TEX11: variants seen among roughly 807,000 people sequenced by gnomAD.
The protein encoded by TEX11 is testis-expressed protein 11.
A neutral mutation model predicts 84.4 loss-of-function variants in TEX11; 7 were observed. That is an observed-to-expected ratio of 0.08 (90% confidence interval 0.05 to 0.16). The LOEUF (loss-of-function observed/expected upper bound fraction) is 0.16. TEX11 is among the 10% of genes least tolerant of loss of function. The pLI is 1.00. For missense variants in TEX11, 551 were observed against 660.5 expected (o/e 0.83, Z 1.82); for synonymous variants, 264 against 222.8 (o/e 1.18, Z -1.64).
intron 13 of TEX11, among the ~76,000 whole-genome samples, chrX:70,704,252 G>A (rs1021416824): frequency 9.1e-6 from 1 of 110,476 alleles, no homozygotes; most frequent in South Asian, 3.9e-4. Flanking sequence ...CTGTGGAACC[G>A]TGAGCCAATT....
intron 7 of TEX11, among the ~76,000 whole-genome samples, chrX:70,840,506 T>G (rs943272725): frequency 4.5e-5 from 5 of 111,910 alleles, no homozygotes; most frequent in African/African-American, 9.7e-5. Flanking sequence ...GAACAACTGG[T>G]ACCAGCCACT....
At chrX:70,774,677 G>C (rs1602116152) in intron 9 of TEX11, among the ~76,000 whole-genome samples, 4 of 110,948 alleles carry the variant, frequency 3.6e-5, no homozygotes, top group African/African-American at 1.3e-4. Flanking sequence ...TCTACAAGTA[G>C]AACTAAAAAG....
At chrX:70,871,406 A>AAAG (rs1032925875) in intron 4 of TEX11, among the ~76,000 whole-genome samples, 2 of 111,917 alleles carry the variant, frequency 1.8e-5, no homozygotes, top group Non-Finnish European at 3.8e-5. Flanking sequence ...CAACAGGTCT[A>AAAG]AAACTAAAAC....
chrX:70,718,575 G>A (rs191175041), intron 13 of TEX11, among the ~76,000 whole-genome samples: 49 of 112,190 alleles, frequency 4.4e-4, no homozygotes, highest in African/African-American at 1.4e-3. Flanking sequence ...AACTGAGTCA[G>A]GGATTTTCCC....
At chrX:70,618,707 T>C (rs891635708) in intron 20 of TEX11, among the ~76,000 whole-genome samples, 3 of 111,679 alleles carry the variant, frequency 2.7e-5, no homozygotes, top group Non-Finnish European at 5.6e-5. Flanking sequence ...TAGATGCAAA[T>C]GCTCAGAGTG....
intron 12 of TEX11, among the ~76,000 whole-genome samples, chrX:70,723,658 C>T (rs956152636): frequency 5.4e-5 from 6 of 111,639 alleles, no homozygotes; most frequent in Non-Finnish European, 1.1e-4. Context: ...ACAAATATTC[C>T]TGCTGTCAAG....
At chrX:70,671,788 A>G (rs1473574727) in intron 15 of TEX11, among the ~76,000 whole-genome samples, 3 of 105,894 alleles carry the variant, frequency 2.8e-5, no homozygotes, top group African/African-American at 1.0e-4. Flanking sequence ...TTTCTCCTAC[A>G]AAACCTACCA....
intron 25 of TEX11, among the ~76,000 whole-genome samples, chrX:70,565,672 A>G (rs1255990770): frequency 1.8e-5 from 2 of 109,720 alleles, no homozygotes; most frequent in African/African-American, 6.6e-5. Flanking sequence ...TCCTTTCCCC[A>G]TTGCTTGTTT....
intron 11 of TEX11, among the ~76,000 whole-genome samples, chrX:70,730,833 A>C (rs1047535526): frequency 2.7e-5 from 3 of 111,871 alleles, no homozygotes; most frequent in Admixed American, 1.9e-4. Flanking sequence ...TCTCCAACCC[A>C]AATCAACAGA....
Position 70,897,216 on chromosome X carries a change from CAT to C in TEX11, c.37+10535_37+10536del, listed in dbSNP as rs1289891372. 1.2e-4 allele frequency among the ~76,000 whole-genome samples: 4 copies of C among 34,649 alleles called. No homozygotes were observed. In the East Asian group the frequency reaches 1.9e-3, roughly 16 times the overall value. The allele number at this position is 34,649 out of a possible 115,157, so 30.1% of individuals were successfully genotyped here. On this transcript the variant is annotated intron_variant, in intron 2 of 29. Transcript: ENST00000374333. ...TATGTTATATATTATATATATATAACATATATATATGTTTTATATATATATAC... is the reference window on the plus strand; with the variant it reads ...TATGTTATATATTATATATATATAACATATATATGTTTTATATATATATAC...
At chrX:70,758,926 A>G (rs755995340) in intron 9 of TEX11, among the ~76,000 whole-genome samples, 15 of 112,018 alleles carry the variant, frequency 1.3e-4, no homozygotes, top group Admixed American at 7.6e-4. Flanking sequence ...AAAAAATGAT[A>G]AAGGGGACAT....
At chrX:70,688,614 G>A (rs773733919) in intron 13 of TEX11, among the ~76,000 whole-genome samples, 13 of 109,942 alleles carry the variant, frequency 1.2e-4, no homozygotes, top group Non-Finnish European at 5.7e-5. Flanking sequence ...TCAGGAAGAT[G>A]AAGAGATGAG....
At chrX:70,824,499 C>G (rs1413539133) in intron 8 of TEX11, among the ~76,000 whole-genome samples, 2 of 111,585 alleles carry the variant, frequency 1.8e-5, no homozygotes, top group Non-Finnish European at 3.8e-5. Flanking sequence ...TGTCCATTCA[C>G]TGCAGCAGTA....
chrX:70,869,109 A>AAAT, intron 4 of TEX11, among the ~76,000 whole-genome samples: 1 of 107,444 alleles, frequency 9.3e-6, no homozygotes, highest in African/African-American at 3.4e-5. Flanking sequence ...AAATAAAATA[A>AAAT]AATAAAACAA....
At chrX:70,771,409 T>C (rs1173744639) in intron 9 of TEX11, among the ~76,000 whole-genome samples, 1 of 112,527 alleles carries the variant, frequency 8.9e-6, no homozygotes, top group Non-Finnish European at 1.9e-5. Flanking sequence ...TTCAAATGTC[T>C]TCTGTTATTT....
At chrX:70,570,212 G>A (rs182779543) in intron 25 of TEX11, among the ~76,000 whole-genome samples, 13 of 112,278 alleles carry the variant, frequency 1.2e-4, no homozygotes, top group African/African-American at 4.2e-4. Context: ...CTACGAGCCA[G>A]GTGCGGGATA....
intron 7 of TEX11, among the ~76,000 whole-genome samples, chrX:70,844,351 T>A (rs1426339863): frequency 1.9e-5 from 2 of 105,886 alleles, no homozygotes; most frequent in Non-Finnish European, 3.9e-5. Context: ...CTCAGCAAAC[T>A]ATCGCAAGGA....
At chrX:70,594,487 AC>A (rs1296361411) in intron 24 of TEX11, among the ~76,000 whole-genome samples, 9 of 111,531 alleles carry the variant, frequency 8.1e-5, no homozygotes, top group South Asian at 3.7e-4. Flanking sequence ...TTTTAAAAAA[AC>A]AATATATATA....
At chrX:70,611,840 T>G (rs1575683) in intron 20 of TEX11, among the ~76,000 whole-genome samples, 2 of 112,047 alleles carry the variant, frequency 1.8e-5, no homozygotes, top group Non-Finnish European at 3.8e-5. Context: ...ATCATAGGAC[T>G]AAACAATGCT....
Sources: allele counts gnomAD v4.1 joint callset (sites outside exome capture counted in the v4.1 genomes callset), GRCh38; gene constraint gnomAD v4.1.1; transcripts MANE v1.5; gene names NCBI Gene and HGNC (gene_info 2026-07-23, HGNC 2026-07-21).